Variants in SRPK2 observed in about 807,000 individuals in gnomAD.
The protein encoded by SRPK2 is SRSF protein kinase 2.
SRPK2 carries 21 observed loss-of-function variants against 90.8 expected under a neutral mutation model. That is an observed-to-expected ratio of 0.23 (90% confidence interval 0.16 to 0.33). The LOEUF is 0.33. SRPK2 is among the 10% of genes least tolerant of loss of function. SRPK2 has a pLI of 1.00. For missense variants in SRPK2, 620 were observed against 869.0 expected (o/e 0.71, Z 3.60); for synonymous variants, 288 against 311.1 (o/e 0.93, Z 0.78).
intron 11 of SRPK2, among the ~76,000 whole-genome samples, chr7:105,138,211 TA>T: frequency 6.6e-6 from 1 of 152,208 alleles, no homozygotes; most frequent in Admixed American, 6.5e-5. Flanking sequence ...CGTTATTCAA[TA>T]AATATTTATC....
intron 2 of SRPK2, among the ~76,000 whole-genome samples, chr7:105,315,616 T>G (rs1225530120): frequency 6.6e-6 from 1 of 152,194 alleles, no homozygotes; most frequent in African/African-American, 2.4e-5. Context: ...CTTCAAATAT[T>G]GGACTCTGGA....
Position 105,170,836 on chromosome 7 carries a change from G to GAAGAAAGAAAGAAAGA in SRPK2, c.230-1587_230-1572dup, listed in dbSNP as rs749022069. 3.2e-4 allele frequency among the ~76,000 whole-genome samples: 13 copies of GAAGAAAGAAAGAAAGA among 40,188 alleles called. 1 individual carries two copies. Among genetic ancestry groups the GAAGAAAGAAAGAAAGA allele is most frequent in the African/African-American group, 8.5e-4 (7 of 8,202 alleles). The allele number at this position is 40,188 out of a possible 152,430, so 26.4% of individuals were successfully genotyped here. A position where few individuals can be genotyped will look rare whatever the true frequency, so the allele number is the denominator to read the frequency against. Reference sequence around the variant, plus strand: ...GAGAGGGAGAGAAAGAGAAAGAAAGGAAGAAAGAAAGAAAGAAAGAAAGAA... The same window carrying GAAGAAAGAAAGAAAGA: ...GAGAGGGAGAGAAAGAGAAAGAAAGGAAGAAAGAAAGAAAGAAAGAAAGAAAGAAAGAAAGAAAGAA... On this transcript the variant is annotated intron_variant, in intron 3 of 15. Transcript: ENST00000393651.
chr7:105,214,482 G>A (rs571596698), intron 2 of SRPK2, among the ~76,000 whole-genome samples: 1 of 152,234 alleles, frequency 6.6e-6, no homozygotes, highest in South Asian at 2.1e-4. Flanking sequence ...ACACTCTGTG[G>A]CAATGTCTGC....
At chr7:105,170,891 GAAAGAAAGAAAGAAAGAAAGA>G (rs1790874848) in intron 3 of SRPK2, among the ~76,000 whole-genome samples, 2 of 85,494 alleles carry the variant, frequency 2.3e-5, no homozygotes, top group East Asian at 3.5e-4. Flanking sequence ...AAGAAAGAAA[GAAAGAAAGAAAGAAAGAAAGA>G]AAGGAGAAAG....
At chr7:105,306,532 G>A in intron 2 of SRPK2, 1 of 451,870 alleles carries the variant, frequency 2.2e-6, no homozygotes, top group South Asian at 1.6e-5. Flanking sequence ...GGAAAGCAGT[G>A]AGGAGTCTTC....
intron 7 of SRPK2, among the ~76,000 whole-genome samples, chr7:105,157,806 T>C (rs993808990): frequency 6.6e-6 from 1 of 152,168 alleles, no homozygotes; most frequent in Admixed American, 6.6e-5. Flanking sequence ...CCAGGTGTGG[T>C]ATAATCCTAG....
rs563106845 is a variant in SRPK2, at chr7:105,149,456, T to G, written c.622-2798A>C. Among the ~76,000 whole-genome samples, 258 of 152,066 alleles carry G rather than the reference T, an allele frequency of 1.7e-3. 1 individual carries two copies. The highest frequency in any genetic ancestry group is 4.6e-3 in the Admixed American group (70 of 15,288). On this transcript the variant is annotated intron_variant, in intron 7 of 15. Coordinates refer to ENST00000393651, the MANE Select transcript of SRPK2 (RefSeq NM_182692.3). Reference sequence around the variant, plus strand: ...CACCCTGCCCTCCTACTACATTCCTTTTTGCTGAAATAATGAAGATAATAA... The same window carrying G: ...CACCCTGCCCTCCTACTACATTCCTGTTTGCTGAAATAATGAAGATAATAA...
chr7:105,149,511 G>A (rs1009583538), intron 7 of SRPK2, among the ~76,000 whole-genome samples: 11 of 152,060 alleles, frequency 7.2e-5, no homozygotes, highest in South Asian at 2.1e-4. Flanking sequence ...CTCAGAGACC[G>A]GTGCCGGTGC....
chr7:105,226,188 T>C (rs1486521444), intron 2 of SRPK2, among the ~76,000 whole-genome samples: 1 of 152,108 alleles, frequency 6.6e-6, no homozygotes, highest in Non-Finnish European at 1.5e-5. Flanking sequence ...TATTTGTCTA[T>C]GAAACATTTA....
At chr7:105,216,171 G>C (rs768442475) in intron 2 of SRPK2, among the ~76,000 whole-genome samples, 2 of 152,054 alleles carry the variant, frequency 1.3e-5, no homozygotes, top group African/African-American at 2.4e-5. Context: ...TAATTACATG[G>C]TGTGCAATTA....
chr7:105,350,284 A>C, intron 2 of SRPK2, among the ~76,000 whole-genome samples: 1 of 150,516 alleles, frequency 6.6e-6, no homozygotes, highest in East Asian at 2.0e-4. Flanking sequence ...GGCACATGCC[A>C]CCAAGCCTGG....
chr7:105,328,136 T>C (rs931829624), intron 2 of SRPK2, among the ~76,000 whole-genome samples: 3 of 152,144 alleles, frequency 2.0e-5, no homozygotes, highest in African/African-American at 7.2e-5. Context: ...AGGGGAGACA[T>C]ACAAATGACT....
chr7:105,123,843 C>T (rs1229865825), intron 15 of SRPK2, among the ~76,000 whole-genome samples: 3 of 152,172 alleles, frequency 2.0e-5, no homozygotes, highest in South Asian at 2.1e-4. Flanking sequence ...TAGTCACAAA[C>T]GGTCTCTTAT....
chr7:105,304,488 CTG>C (rs1187563950), intron 2 of SRPK2: 2 of 152,202 alleles, frequency 1.3e-5, no homozygotes, highest in African/African-American at 4.8e-5. Flanking sequence ...AAACTAGTAA[CTG>C]TATTTATAAA....
At chr7:105,352,872 C>G (rs1817360561) in intron 2 of SRPK2, among the ~76,000 whole-genome samples, 1 of 152,078 alleles carries the variant, frequency 6.6e-6, no homozygotes, top group African/African-American at 2.4e-5. Flanking sequence ...TGCACTCCAG[C>G]CTGGGTGACA....
At chr7:105,151,937 T>A (rs1025456481) in intron 7 of SRPK2, among the ~76,000 whole-genome samples, 1 of 149,750 alleles carries the variant, frequency 6.7e-6, no homozygotes, top group African/African-American at 2.5e-5. Context: ...GGCAGGAGAA[T>A]CACTTGAACC....
At chr7:105,347,527 T>G (rs1307090683) in intron 2 of SRPK2, among the ~76,000 whole-genome samples, 1 of 151,984 alleles carries the variant, frequency 6.6e-6, no homozygotes, top group Non-Finnish European at 1.5e-5. Flanking sequence ...CAGTGAGATA[T>G]TCAGCCGAAG....
chr7:105,208,494 T>C (rs1288910596), intron 2 of SRPK2, among the ~76,000 whole-genome samples: 2 of 152,184 alleles, frequency 1.3e-5, no homozygotes, highest in African/African-American at 2.4e-5. Flanking sequence ...CATGGATGGA[T>C]CCTCCAAAAC....
At chr7:105,316,975 C>A (rs1812381602) in intron 2 of SRPK2, among the ~76,000 whole-genome samples, 1 of 152,248 alleles carries the variant, frequency 6.6e-6, no homozygotes, top group Admixed American at 6.5e-5. Flanking sequence ...CCCTCTCCCA[C>A]TCCTTTATAC....
Sources: gnomAD v4.1 joint callset for allele counts (sites outside exome capture counted in the v4.1 genomes callset) on GRCh38, gnomAD v4.1.1 for gene constraint, MANE v1.5 for transcripts, NCBI Gene and HGNC (gene_info 2026-07-23, HGNC 2026-07-21) for gene names.